The following INVS variants were observed in gnomAD, a reference collection of about 807,000 sequenced individuals.
INVS encodes the protein inversin.
In INVS, 86 loss-of-function variants were observed where a neutral mutation model predicts 108.8. The ratio of observed to expected loss-of-function variants is 0.79; its 90% CI spans 0.66 to 0.95. The LOEUF (loss-of-function observed/expected upper bound fraction) is 0.95, where lower values mean the gene tolerates loss of function less well. Ranked by LOEUF, INVS falls within the 40% of genes least tolerant of loss-of-function variation. INVS has a pLI of 0.00. For missense variants in INVS, 1,169 were observed against 1,297.4 expected, an observed-to-expected ratio of 0.90 and a Z score of 1.52; for synonymous variants, 455 against 473.5, an observed-to-expected ratio of 0.96 and a Z score of 0.51.
In INVS at chr9:100,183,497, T is replaced by A. The variant is rs530814960; in HGVS notation, c.274-42565T>A. Reference sequence around the variant, plus strand: ...ATAATTTATCCCAAACAAACCTATATTAAAAGAAATAATGGTCGGGCACAG... The same window carrying A: ...ATAATTTATCCCAAACAAACCTATAATAAAAGAAATAATGGTCGGGCACAG... On this transcript the variant is annotated intron_variant, in intron 3 of 16. Coordinates refer to ENST00000262457, the MANE Select transcript of INVS (RefSeq NM_014425.5). Among the ~76,000 whole-genome samples, 17 of 152,098 alleles carry A rather than the reference T, an allele frequency of 1.1e-4. No individual in the cohort carries two copies. The South Asian group carries it at 3.5e-3, about 32-fold the overall frequency.
chr9:100,141,833 G>T (rs1023267048), intron 3 of INVS, among the ~76,000 whole-genome samples: 1 of 152,164 alleles, frequency 6.6e-6, no homozygotes, highest in African/African-American at 2.4e-5. Flanking sequence ...ACGGGCTAGC[G>T]GCTTGTAACC....
intron 11 of INVS, among the ~76,000 whole-genome samples, chr9:100,272,481 C>T (rs1278300886): frequency 1.3e-5 from 2 of 152,158 alleles, no homozygotes; most frequent in Non-Finnish European, 2.9e-5. Context: ...CATTAACTGT[C>T]AGTAATCATG....
At chr9:100,177,980 C>T (rs947734804) in intron 3 of INVS, among the ~76,000 whole-genome samples, 2 of 152,178 alleles carry the variant, frequency 1.3e-5, no homozygotes, top group African/African-American at 4.8e-5. Context: ...GATACCTAGG[C>T]AAACAGGGTC....
chr9:100,100,316 C>A (rs1433524518), intron 1 of INVS, among the ~76,000 whole-genome samples: 1 of 151,536 alleles, frequency 6.6e-6, no homozygotes, highest in African/African-American at 2.4e-5. Flanking sequence ...CTTACCAAGG[C>A]GGCCTAACTC....
At chr9:100,202,092 G>GTT (rs35296886) in intron 3 of INVS, among the ~76,000 whole-genome samples, 2,458 of 147,798 alleles carry the variant, frequency 0.017, 46 homozygotes, top group Non-Finnish European at 0.021. Flanking sequence ...TATTACAATA[G>GTT]TTTTTTTTTT....
At chr9:100,121,726 A>G (rs952640393) in intron 2 of INVS, among the ~76,000 whole-genome samples, 2 of 151,262 alleles carry the variant, frequency 1.3e-5, no homozygotes, top group African/African-American at 4.9e-5. Flanking sequence ...TTTCTTATGT[A>G]CTTCCTTCTG....
chr9:100,145,326 C>T (rs1406325999), intron 3 of INVS, among the ~76,000 whole-genome samples: 1 of 149,732 alleles, frequency 6.7e-6, no homozygotes, highest in East Asian at 2.0e-4. Flanking sequence ...GGTCAGGGCA[C>T]AGAAATAAGG....
chr9:100,165,831 C>A (rs185685799), intron 3 of INVS, among the ~76,000 whole-genome samples: 1 of 152,136 alleles, frequency 6.6e-6, no homozygotes, highest in Non-Finnish European at 1.5e-5. Flanking sequence ...ATTCCAGATT[C>A]ATTTCTATAT....
intron 5 of INVS, among the ~76,000 whole-genome samples, chr9:100,237,171 G>A (rs191686736): frequency 3.9e-5 from 6 of 152,234 alleles, no homozygotes; most frequent in East Asian, 3.9e-4. Context: ...GGGGAAAACC[G>A]CCTACTCAAG....
chr9:100,157,282 T>TTTTTTTTTTTGG (rs1829024008), intron 3 of INVS, among the ~76,000 whole-genome samples: 1 of 150,036 alleles, frequency 6.7e-6, no homozygotes, highest in African/African-American at 2.5e-5. Flanking sequence ...TTTTTTTTTT[T>TTTTTTTTTTTGG]GAGGCAGAGT....
chr9:100,191,382 A>G (rs1160832017), intron 3 of INVS, among the ~76,000 whole-genome samples: 2 of 152,080 alleles, frequency 1.3e-5, no homozygotes, highest in African/African-American at 2.4e-5. Context: ...TCTTTTAATT[A>G]TATTTTCTTT....
At chr9:100,198,264 A>ATTTTTTTTTTTTTTT (rs66710233) in intron 3 of INVS, among the ~76,000 whole-genome samples, 4 of 65,286 alleles carry the variant, frequency 6.1e-5, no homozygotes, top group African/African-American at 1.2e-4. Flanking sequence ...GAGGGCTAGA[A>ATTTTTTTTTTTTTTT]TTTTTTTTTT....
intron 12 of INVS, among the ~76,000 whole-genome samples, chr9:100,275,896 A>G (rs1217182274): frequency 6.6e-6 from 1 of 152,230 alleles, no homozygotes; most frequent in Non-Finnish European, 1.5e-5. Flanking sequence ...CAAAATGAAC[A>G]TTACTATAAT....
intron 3 of INVS, among the ~76,000 whole-genome samples, chr9:100,149,439 T>A (rs111916506): frequency 3.6e-4 from 55 of 152,330 alleles, no homozygotes; most frequent in South Asian, 2.5e-3. Flanking sequence ...GCTAGGCTAC[T>A]TTCTCCAAGC....
In INVS at chr9:100,292,651, C is replaced by G. The variant is rs751531097; in HGVS notation, c.2394C>G (p.Leu798=). 24 of 1,614,080 alleles carry G rather than the reference C, an allele frequency of 1.5e-5. No homozygotes were observed. The highest frequency in any genetic ancestry group is 1.6e-4 in the Middle Eastern group (1 of 6,084). ...CAPQKRRTQE[L]RGGRCSPAGS... is the part of the protein sequence containing the mutation. ...CCCAGAAAAGGCGCACTCAAGAGCT[C>G]AGAGGAGGAAGGTGCTCTCCGGCTG... is the stretch of plus-strand genomic sequence containing the variant. The change falls in exon 14 of 17, where the codon CTC becomes CTG. Residue 798 remains leucine, a synonymous_variant. Transcript: ENST00000262457.
intron 2 of INVS, among the ~76,000 whole-genome samples, chr9:100,114,610 G>A (rs916757016): frequency 2.0e-5 from 3 of 151,882 alleles, no homozygotes; most frequent in Non-Finnish European, 4.4e-5. Context: ...TTGCCATGTT[G>A]CCCAGGCTGG....
chr9:100,175,796 T>C, intron 3 of INVS: 2 of 657,920 alleles, frequency 3.0e-6, no homozygotes, highest in South Asian at 2.7e-5. Flanking sequence ...AGAACAGCCA[T>C]TCCTGAACAC....
intron 3 of INVS, among the ~76,000 whole-genome samples, chr9:100,156,091 A>G (rs1351632648): frequency 2.6e-5 from 4 of 152,106 alleles, no homozygotes; most frequent in Non-Finnish European, 2.9e-5. Flanking sequence ...AGCCTGGCTC[A>G]TCTGGTCATG....
intron 3 of INVS, among the ~76,000 whole-genome samples, chr9:100,213,200 T>TG (rs34177133): frequency 0.34 from 43,210 of 127,692 alleles, 7,841 homozygotes; most frequent in Non-Finnish European, 0.44. Flanking sequence ...ACACATGAAT[T>TG]GGGGGGGTTT....
Sources: allele counts gnomAD v4.1 joint callset (sites outside exome capture counted in the v4.1 genomes callset), GRCh38; gene constraint gnomAD v4.1.1; transcripts MANE v1.5; gene names NCBI Gene and HGNC (gene_info 2026-07-23, HGNC 2026-07-21).